RTN4: variants seen among roughly 807,000 people sequenced by gnomAD.
RTN4 encodes reticulon-4.
RTN4 carries 32 observed loss-of-function variants against 90.4 expected under a neutral mutation model. The observed-to-expected ratio is 0.35, with a 90% confidence interval of 0.27 to 0.48. The LOEUF (loss-of-function observed/expected upper bound fraction) is 0.48. RTN4 is among the 20% of genes least tolerant of loss of function. The pLI is 0.99. For missense variants in RTN4, 1,706 were observed against 1,430.2 expected (o/e 1.19, Z -3.11); for synonymous variants, 629 against 552.5 (o/e 1.14, Z -1.94).
At chr2:55,066,344 TTGTACATAAACTCTTATTTTTC>T (rs1181975158) in intron 2 of RTN4, among the ~76,000 whole-genome samples, 1 of 152,092 alleles carries the variant, frequency 6.6e-6, no homozygotes, top group Non-Finnish European at 1.5e-5. Flanking sequence ...GGGCTGGGGT[TTGTACATAAACTCTTATTTTTC>T]AGTTTATTCT....
intron 2 of RTN4, among the ~76,000 whole-genome samples, chr2:55,070,071 C>T (rs934780086): frequency 3.9e-5 from 6 of 152,170 alleles, no homozygotes; most frequent in Non-Finnish European, 7.3e-5. Context: ...ATGCCAAGCA[C>T]CATTAACCAA....
chr2:55,118,987 G>C, the RTN4 span, among the ~76,000 whole-genome samples: 1 of 152,222 alleles, frequency 6.6e-6, no homozygotes, highest in Non-Finnish European at 1.5e-5. Context: ...AGGCTGATTT[G>C]TGTGTGAAGA....
the RTN4 span, among the ~76,000 whole-genome samples, chr2:55,128,394 A>G: frequency 1.3e-5 from 2 of 152,114 alleles, no homozygotes; most frequent in Non-Finnish European, 2.9e-5. Flanking sequence ...CATGGTGACC[A>G]TCCATGCAGC....
chr2:55,071,546 A>C (rs1463965445), intron 2 of RTN4, among the ~76,000 whole-genome samples: 2 of 93,970 alleles, frequency 2.1e-5, no homozygotes, highest in African/African-American at 1.4e-4. Context: ...TTGCCATCAA[A>C]AAAAAAAAAA....
chr2:55,058,725 A>G (rs960939102), intron 2 of RTN4, among the ~76,000 whole-genome samples: 3 of 152,254 alleles, frequency 2.0e-5, no homozygotes, highest in Non-Finnish European at 4.4e-5. Flanking sequence ...AAAAAAAATC[A>G]AAGAAATGAC....
At chr2:55,014,537 G>GAGAC (rs1680886960) in intron 3 of RTN4, 1 of 145,332 alleles carries the variant, frequency 6.9e-6, no homozygotes, top group Non-Finnish European at 1.5e-5. Context: ...TTTTTTTTTG[G>GAGAC]AGACAGAGTC....
Position 55,027,446 on chromosome 2 carries a change from G to A in RTN4, c.653C>T (p.Ser218Leu), listed in dbSNP as rs772482309. Residue 218 changes from serine (S) to leucine (L), a missense_variant, in exon 3 of 9, where the codon TCG becomes TTG. Ser to Leu is a moderately radical substitution (Grantham distance 145). Transcript: ENST00000337526. ...DLKEQPGNTI[S>L]AGQEDFPSVL... is the part of the protein sequence containing the mutation. The stretch of plus-strand genomic sequence containing the variant: ...AGATGGGAAATCCTCTTGACCAGCC[G>A]AAATAGTGTTACCTGGCTGCTCCTT... 1.6e-5 allele frequency: 26 copies of A among 1,612,254 alleles called. 1 individual carries two copies. The Middle Eastern group carries it at 8.2e-4, about 51-fold the overall frequency.
Position 54,987,711 on chromosome 2 carries a change from A to G in RTN4, c.3014-13T>C. 6.3e-7 allele frequency: 1 copy of G among 1,590,174 alleles called. No individual in the cohort carries two copies. The highest frequency in any genetic ancestry group is 8.6e-7 in the Non-Finnish European group (1 of 1,163,056). ...AGGAGGTCAACAACTAAAAATTGAA[A>G]AAGAAATCTGAAATTAGAATGTTAT... On this transcript the variant is annotated splice_polypyrimidine_tract_variant and intron_variant, in intron 3 of 8. Transcript: ENST00000337526.
In RTN4 at chr2:55,050,261, C is replaced by T; in HGVS notation, c.40G>A (p.Asp14Asn). The T allele has an allele frequency of 6.5e-7, 1 of 1,528,822 alleles. No individual in the cohort carries two copies. The highest frequency in any genetic ancestry group is 8.8e-7 in the Non-Finnish European group (1 of 1,139,200). 94.7% of individuals were successfully genotyped at this position (1,528,822 alleles called of 1,614,324 possible). The change falls in exon 1 of 9, where the codon GAC (aspartate) becomes AAC (asparagine). Residue 14 changes from aspartate (D) to asparagine (N), a missense_variant. By Grantham distance (23) the Asp-to-Asn change is conservative. Transcript: ENST00000337526. The surrounding 1 kb of genome is among the most constrained non-coding windows in gnomAD (Gnocchi z 4.6). ...GCGGGCTGCGGCCGGGGTGGGCTGT[C>T]CGAGGACGAGACCAGAGGAGACTGG... is the stretch of plus-strand genomic sequence containing the variant. The part of the protein sequence containing the change: ...LDQSPLVSSS[D>N]SPPRPQPAFK...
intron 5 of RTN4, among the ~76,000 whole-genome samples, chr2:54,975,709 C>T (rs74938921): frequency 1.3e-3 from 202 of 152,258 alleles, no homozygotes; most frequent in African/African-American, 4.7e-3. Flanking sequence ...ATGTATTAAA[C>T]GAACTCTGAC....
Position 55,025,260 on chromosome 2 carries a change from T to C in RTN4, c.2839A>G (p.Lys947Glu), listed in dbSNP as rs1681740702. The change falls in exon 3 of 9, where the codon AAG (lysine) becomes GAG (glutamate). Residue 947 changes from lysine to glutamate, a missense_variant. By Grantham distance (56) the Lys-to-Glu change is moderately conservative (BLOSUM62 1). Transcript: ENST00000337526. ...ACATCTGGAGGCAATAAGAGCACCT[T>C]TGATGTAGCAGACCCATTTTTAGAA... The part of the protein sequence containing the change: ...DFSKNGSATS[K>E]VLLLPPDVSA... 3 of 1,613,794 alleles carry C rather than the reference T, an allele frequency of 1.9e-6. No individual in the cohort carries two copies. The highest frequency in any genetic ancestry group is 1.7e-5 in the Admixed American group (1 of 59,938).
intron 1 of RTN4, among the ~76,000 whole-genome samples, chr2:55,096,872 C>T (rs1427644623): frequency 6.6e-6 from 1 of 151,792 alleles, no homozygotes; most frequent in East Asian, 1.9e-4. Flanking sequence ...AAAGGCTTCC[C>T]TACACTCAAG....
chr2:55,065,629 C>G (rs1224660857), intron 2 of RTN4, among the ~76,000 whole-genome samples: 4 of 152,012 alleles, frequency 2.6e-5, no homozygotes. Context: ...TAACTCAACC[C>G]TAGAGAACCC....
intron 1 of RTN4, among the ~76,000 whole-genome samples, chr2:55,081,309 T>C (rs1174133444): frequency 6.6e-6 from 1 of 151,918 alleles, no homozygotes; most frequent in Admixed American, 6.6e-5. Context: ...ACTCCTGGGC[T>C]CAAGTGATCC....
chr2:55,000,232 G>C (rs962807678), intron 3 of RTN4, among the ~76,000 whole-genome samples: 1 of 152,104 alleles, frequency 6.6e-6, no homozygotes, highest in Non-Finnish European at 1.5e-5. Context: ...CAATTAGCAA[G>C]TCTCAGCCTG....
At chr2:55,103,453 G>A (rs1486523136) in intron 1 of RTN4, among the ~76,000 whole-genome samples, 1 of 152,006 alleles carries the variant, frequency 6.6e-6, no homozygotes, top group Non-Finnish European at 1.5e-5. Flanking sequence ...ATGTGTCCAA[G>A]AGGGTAGCTC....
chr2:55,048,441 A>G (rs2104974924), intron 1 of RTN4, among the ~76,000 whole-genome samples: 1 of 152,318 alleles, frequency 6.6e-6, no homozygotes, highest in South Asian at 2.1e-4. Context: ...TTAAAACACA[A>G]ACACATTTTA....
At chr2:55,059,954 AG>A (rs1668260759) in intron 2 of RTN4, among the ~76,000 whole-genome samples, 4 of 152,072 alleles carry the variant, frequency 2.6e-5, no homozygotes, top group Non-Finnish European at 5.9e-5. Flanking sequence ...CTGGGATTAC[AG>A]GGGTGAGCCA....
chr2:54,997,537 CTT>C (rs1286786453), intron 3 of RTN4, among the ~76,000 whole-genome samples: 2 of 152,086 alleles, frequency 1.3e-5, no homozygotes, highest in African/African-American at 4.8e-5. Context: ...AACACAAAAA[CTT>C]AACACACAAA....
Sources: gnomAD v4.1 joint callset for allele counts (sites outside exome capture counted in the v4.1 genomes callset) on GRCh38, gnomAD v4.1.1 for gene constraint, Gnocchi (gnomAD v3.1) non-coding constraint, MANE v1.5 for transcripts, NCBI Gene and HGNC (gene_info 2026-07-23, HGNC 2026-07-21) for gene names.